The following YPEL2 variants were observed in gnomAD, a reference collection of about 807,000 sequenced individuals.
The protein encoded by YPEL2 is protein yippee-like 2.
In YPEL2, 2 loss-of-function variants were observed where a neutral mutation model predicts 19.1. That is an observed-to-expected ratio of 0.10 (90% CI 0.04 to 0.33). The LOEUF (loss-of-function observed/expected upper bound fraction) is 0.33. YPEL2 is among the 10% of genes least tolerant of loss of function. YPEL2 has a pLI of 1.00. For synonymous variants in YPEL2, 52 were observed against 50.0 expected, an observed-to-expected ratio of 1.04 and a Z score of -0.17; for missense variants, 66 against 140.7, an observed-to-expected ratio of 0.47 and a Z score of 2.68.
chr17:59,337,800 TAC>T (rs2047707383), intron 1 of YPEL2, among the ~76,000 whole-genome samples: 1 of 152,170 alleles, frequency 6.6e-6, no homozygotes, highest in African/African-American at 2.4e-5. Flanking sequence ...TTTGGAGATA[TAC>T]ACACTGAGGT....
chr17:59,362,363 G>A (rs951429617), intron 2 of YPEL2, among the ~76,000 whole-genome samples: 1 of 151,908 alleles, frequency 6.6e-6, no homozygotes, highest in African/African-American at 2.4e-5. Flanking sequence ...CAGACCTGTC[G>A]CACAGTCACG....
chr17:59,390,574 A>G (rs913940414), intron 4 of YPEL2, among the ~76,000 whole-genome samples: 1 of 152,254 alleles, frequency 6.6e-6, no homozygotes, highest in South Asian at 2.1e-4. Context: ...AGATGTGATC[A>G]TGGCTGGACC....
At chr17:59,386,502 A>G (rs1400770356) in intron 2 of YPEL2, among the ~76,000 whole-genome samples, 1 of 152,188 alleles carries the variant, frequency 6.6e-6, no homozygotes, top group African/African-American at 2.4e-5. Context: ...AGGGAACTTC[A>G]TGGGCAAAGT....
intron 2 of YPEL2, among the ~76,000 whole-genome samples, chr17:59,357,460 A>G (rs938235598): frequency 1.1e-4 from 17 of 152,176 alleles, no homozygotes; most frequent in Admixed American, 3.9e-4. Flanking sequence ...GAGGCATCCT[A>G]CAATTTTTTT....
At chr17:59,386,703 T>C (rs1290160297) in intron 2 of YPEL2, among the ~76,000 whole-genome samples, 1 of 152,146 alleles carries the variant, frequency 6.6e-6, no homozygotes, top group Non-Finnish European at 1.5e-5. Context: ...CATTGTCTTA[T>C]CCAAACACTC....
intron 2 of YPEL2, among the ~76,000 whole-genome samples, chr17:59,384,163 C>G (rs1165389821): frequency 6.6e-6 from 1 of 152,178 alleles, no homozygotes; most frequent in Admixed American, 6.5e-5. Flanking sequence ...TGGACTGATT[C>G]TGATGAAGTT....
At chr17:59,344,591 C>T (rs753512201) in intron 1 of YPEL2, among the ~76,000 whole-genome samples, 29 of 152,108 alleles carry the variant, frequency 1.9e-4, no homozygotes, top group Admixed American at 5.2e-4. Flanking sequence ...AACCCCGTCT[C>T]TACTAAAAAT....
At chr17:59,334,401 G>T (rs2147931287) in intron 1 of YPEL2, among the ~76,000 whole-genome samples, 1 of 150,800 alleles carries the variant, frequency 6.6e-6, no homozygotes, top group South Asian at 2.1e-4. Flanking sequence ...GGGGGGGGGT[G>T]AGGAGTCAGG....
At chr17:59,334,853 GT>G (rs1219712286) in intron 1 of YPEL2, among the ~76,000 whole-genome samples, 1 of 152,118 alleles carries the variant, frequency 6.6e-6, no homozygotes, top group African/African-American at 2.4e-5. Context: ...AGAATGTTTA[GT>G]TTTGAGCATA....
chr17:59,390,949 A>G (rs1249174667), intron 4 of YPEL2, among the ~76,000 whole-genome samples: 1 of 152,262 alleles, frequency 6.6e-6, no homozygotes, highest in Non-Finnish European at 1.5e-5. Context: ...TCATGCCTAT[A>G]AAACACTTAG....
rs73323201 is a variant in YPEL2, at chr17:59,348,634, G to A, written c.-195-4581G>A. Among the ~76,000 whole-genome samples, 1,018 of 152,230 alleles carry A rather than the reference G, an allele frequency of 6.7e-3. 11 individuals are homozygous for A. The highest frequency in any genetic ancestry group is 0.024 in the African/African-American group (983 of 41,522). On this transcript the variant is annotated intron_variant, in intron 1 of 4. Transcript: ENST00000312655. ...TCAGTGAAAGCTAGCTAGGGGTGGC[G>A]GCAAATCTTCCTTTAATTTCCACTG...
chr17:59,376,079 C>A (rs991465170), intron 2 of YPEL2, among the ~76,000 whole-genome samples: 3 of 152,282 alleles, frequency 2.0e-5, no homozygotes, highest in African/African-American at 7.2e-5. Context: ...ATATACCTGT[C>A]AGTTTTAGTC....
intron 2 of YPEL2, among the ~76,000 whole-genome samples, chr17:59,376,970 A>C (rs946865102): frequency 2.7e-5 from 4 of 149,920 alleles, no homozygotes; most frequent in Non-Finnish European, 5.9e-5. Context: ...AAAAAAAAAA[A>C]AAAAACAAAG....
intron 2 of YPEL2, among the ~76,000 whole-genome samples, chr17:59,373,071 C>T (rs1598043654): frequency 6.6e-6 from 1 of 152,082 alleles, no homozygotes; most frequent in South Asian, 2.1e-4. Context: ...AGGGTTTCAC[C>T]GTGTTGGCCA....
At chr17:59,370,030 A>C (rs896958414) in intron 2 of YPEL2, among the ~76,000 whole-genome samples, 1 of 152,230 alleles carries the variant, frequency 6.6e-6, no homozygotes, top group Non-Finnish European at 1.5e-5. Flanking sequence ...AAGGAGACCC[A>C]GCTAGGAAAT....
intron 4 of YPEL2, among the ~76,000 whole-genome samples, chr17:59,395,731 C>T (rs1024192295): frequency 3.9e-5 from 6 of 152,124 alleles, no homozygotes; most frequent in Non-Finnish European, 7.3e-5. Flanking sequence ...TCTGGCCTCA[C>T]GGTATTTTGT....
chr17:59,343,044 T>C (rs115476256), intron 1 of YPEL2, among the ~76,000 whole-genome samples: 2,640 of 152,234 alleles, frequency 0.017, 100 homozygotes, highest in African/African-American at 0.06. Context: ...CATCAGAGGC[T>C]TGTGTGGTGT....
intron 2 of YPEL2, among the ~76,000 whole-genome samples, chr17:59,374,478 T>TA (rs899711892): frequency 6.6e-6 from 1 of 152,178 alleles, no homozygotes; most frequent in African/African-American, 2.4e-5. Flanking sequence ...TGAAGGTGGA[T>TA]ATATGCTAAT....
intron 3 of YPEL2, 148 bp from the exon 4 acceptor site, chr17:59,389,212 C>T (rs2047995884): frequency 3.3e-6 from 2 of 610,146 alleles, no homozygotes; most frequent in Non-Finnish European, 5.7e-6. Flanking sequence ...CTGTGGCCAC[C>T]TTTTGGGGAT....
Sources: allele counts gnomAD v4.1 joint callset (sites outside exome capture counted in the v4.1 genomes callset), GRCh38; gene constraint gnomAD v4.1.1; transcripts MANE v1.5; gene names NCBI Gene and HGNC (gene_info 2026-07-23, HGNC 2026-07-21).